TAFA5: variants seen among roughly 807,000 people sequenced by gnomAD.
The protein encoded by TAFA5 is chemokine-like protein TAFA-5.
A neutral mutation model predicts 15.3 loss-of-function variants in TAFA5; 6 were observed. That is an observed-to-expected ratio of 0.39 (90% CI 0.21 to 0.77). TAFA5 has a LOEUF of 0.77. TAFA5 is among the 30% of genes least tolerant of loss of function. The pLI, the probability that TAFA5 is intolerant of heterozygous loss-of-function variation, is 0.41. For synonymous variants in TAFA5, 103 were observed against 80.7 expected, an observed-to-expected ratio of 1.28 and a Z score of -1.48; for missense variants, 161 against 193.1, an observed-to-expected ratio of 0.83 and a Z score of 0.98.
At chr22:48,511,180 T>C (rs1921196548) in intron 1 of TAFA5, among the ~76,000 whole-genome samples, 1 of 152,224 alleles carries the variant, frequency 6.6e-6, no homozygotes, top group African/African-American at 2.4e-5. Flanking sequence ...CCCCAATGAC[T>C]CCCCTGTCGC....
intron 3 of TAFA5, among the ~76,000 whole-genome samples, chr22:48,711,073 C>G (rs1225617479): frequency 6.6e-6 from 1 of 152,216 alleles, no homozygotes; most frequent in East Asian, 1.9e-4. Context: ...CCCCAAGCCT[C>G]TGCTGGTGGA....
At chr22:48,665,610 C>G (rs981305089) in intron 2 of TAFA5, among the ~76,000 whole-genome samples, 2 of 152,110 alleles carry the variant, frequency 1.3e-5, no homozygotes, top group African/African-American at 4.8e-5. Context: ...CATGGAGACC[C>G]GACAGATCCA....
At chr22:48,640,221 C>G (rs1926622782) in intron 1 of TAFA5, among the ~76,000 whole-genome samples, 1 of 152,176 alleles carries the variant, frequency 6.6e-6, no homozygotes, top group South Asian at 2.1e-4. Context: ...ATCTGGCCCT[C>G]AGCAGGGCTC....
chr22:48,690,365 C>T (rs900398476), intron 2 of TAFA5, among the ~76,000 whole-genome samples: 9 of 152,064 alleles, frequency 5.9e-5, no homozygotes, highest in African/African-American at 2.2e-4. Context: ...AGGGCCGGGG[C>T]TATGGAGGAC....
At chr22:48,707,971 A>G in intron 3 of TAFA5, 127 bp downstream of exon 3, 1 of 1,287,796 alleles carries the variant, frequency 7.8e-7, no homozygotes, top group South Asian at 1.4e-5. Context: ...CAGAGAGGCC[A>G]GGGCCCTGTC....
chr22:48,705,412 C>T (rs2147249586), intron 2 of TAFA5, among the ~76,000 whole-genome samples: 1 of 152,328 alleles, frequency 6.6e-6, no homozygotes, highest in South Asian at 2.1e-4. Flanking sequence ...CCCATTCATT[C>T]TGCCTGGGAT....
intron 1 of TAFA5, among the ~76,000 whole-genome samples, chr22:48,513,571 G>A (rs574583425): frequency 1.3e-5 from 2 of 152,356 alleles, no homozygotes; most frequent in East Asian, 3.9e-4. Context: ...GGCTTCCCAA[G>A]GCTGAAGTCA....
At chr22:48,556,223 G>T (rs1251303227) in intron 1 of TAFA5, among the ~76,000 whole-genome samples, 1 of 152,138 alleles carries the variant, frequency 6.6e-6, no homozygotes, top group African/African-American at 2.4e-5. Flanking sequence ...GAAGAGGCGG[G>T]TCCCTCACAG....
At chr22:48,558,546 CTCCTGCCA>C (rs1923117334) in intron 1 of TAFA5, among the ~76,000 whole-genome samples, 1 of 152,226 alleles carries the variant, frequency 6.6e-6, no homozygotes, top group African/African-American at 2.4e-5. Context: ...CACGGTCTCT[CTCCTGCCA>C]TCCATGTGAG....
At chr22:48,702,425 T>A (rs1337335085) in intron 2 of TAFA5, among the ~76,000 whole-genome samples, 1 of 152,090 alleles carries the variant, frequency 6.6e-6, no homozygotes, top group Non-Finnish European at 1.5e-5. Flanking sequence ...CGCACTCCTA[T>A]GCCCCCTTTC....
chr22:48,504,575 C>G (rs1920975415), intron 1 of TAFA5, among the ~76,000 whole-genome samples: 1 of 151,848 alleles, frequency 6.6e-6, no homozygotes, highest in South Asian at 2.1e-4. Flanking sequence ...TCAGCTTTAT[C>G]ATTTGGGGGG....
At chr22:48,627,465 C>T (rs1048833859) in intron 1 of TAFA5, among the ~76,000 whole-genome samples, 17 of 152,264 alleles carry the variant, frequency 1.1e-4, no homozygotes, top group African/African-American at 3.1e-4. Flanking sequence ...CGACAGCGCA[C>T]GCAAAGAGTG....
At chr22:48,705,394 G>A (rs1042464273) in intron 2 of TAFA5, among the ~76,000 whole-genome samples, 1 of 152,194 alleles carries the variant, frequency 6.6e-6, no homozygotes, top group African/African-American at 2.4e-5. Flanking sequence ...CGGAACTGAG[G>A]ACGAGAACCC....
At chr22:48,600,976 G>A (rs958307629) in intron 1 of TAFA5, among the ~76,000 whole-genome samples, 6 of 152,294 alleles carry the variant, frequency 3.9e-5, no homozygotes, top group Admixed American at 2.0e-4. Context: ...TGCTCACGTC[G>A]TTCAGCCGGC....
intron 1 of TAFA5, chr22:48,544,365 C>G (rs972096831): frequency 2.5e-5 from 8 of 322,032 alleles, no homozygotes; most frequent in African/African-American, 1.7e-4. Flanking sequence ...GCCAATGCCA[C>G]TGGCTTGGGG....
rs937983111 is a variant in TAFA5, at chr22:48,749,752, G to A, written c.391-87G>A. On this transcript the variant is annotated intron_variant, in intron 3 of 3. Transcript: ENST00000402357. Reference sequence around the variant, plus strand: ...CCCTCCAGGAGGCCGGCTGGCAGGAGCCGGGGAGGGAAGAGGAGCCTGTGT... The same window carrying A: ...CCCTCCAGGAGGCCGGCTGGCAGGAACCGGGGAGGGAAGAGGAGCCTGTGT... 3 of 1,477,674 alleles carry A rather than the reference G, an allele frequency of 2.0e-6. No individual in the cohort carries two copies. In the Admixed American group the frequency reaches 5.9e-5, roughly 29 times the overall value. The allele number at this position is 1,477,674 out of a possible 1,614,324, so 91.5% of individuals were successfully genotyped here.
At chr22:48,706,473 C>T (rs13058609) in intron 2 of TAFA5, among the ~76,000 whole-genome samples, 70,620 of 152,032 alleles carry the variant, frequency 0.46, 16,808 homozygotes, top group East Asian at 0.54. Flanking sequence ...CTGGCTCTCA[C>T]CAGCGAGTGC....
At chr22:48,696,145 G>A (rs1276948742) in intron 2 of TAFA5, among the ~76,000 whole-genome samples, 1 of 152,318 alleles carries the variant, frequency 6.6e-6, no homozygotes, top group Non-Finnish European at 1.5e-5. Context: ...GAGAAGTGGC[G>A]CAGGCTGCCC....
chr22:48,578,416 A>G (rs978082571), intron 1 of TAFA5, among the ~76,000 whole-genome samples: 10 of 152,170 alleles, frequency 6.6e-5, no homozygotes, highest in Non-Finnish European at 1.2e-4. Flanking sequence ...TTTTTTGGCC[A>G]AGAAGAAAGA....
Sources: allele counts gnomAD v4.1 joint callset (sites outside exome capture counted in the v4.1 genomes callset), GRCh38; gene constraint gnomAD v4.1.1; transcripts MANE v1.5; gene names NCBI Gene and HGNC (gene_info 2026-07-23, HGNC 2026-07-21).